The following HERPUD2 variants were observed in gnomAD, a reference collection of about 807,000 sequenced individuals.
HERPUD2 encodes HERPUD family member 2, also known as homocysteine-responsive endoplasmic reticulum-resident ubiquitin-like domain member 2 protein.
In HERPUD2, 13 loss-of-function variants were observed where a neutral mutation model predicts 49.9. That is an observed-to-expected ratio of 0.26 (90% CI 0.17 to 0.41). The LOEUF is 0.41. Among genes scored for constraint, HERPUD2 ranks in the 10% least tolerant of loss-of-function variants. The pLI is 1.00. For synonymous variants in HERPUD2, 172 were observed against 171.4 expected, an observed-to-expected ratio of 1.00 and a Z score of -0.03; for missense variants, 449 against 492.2, an observed-to-expected ratio of 0.91 and a Z score of 0.83.
chr7:35,663,543 C>T (rs1411999578), intron 5 of HERPUD2, among the ~76,000 whole-genome samples: 1 of 152,136 alleles, frequency 6.6e-6, no homozygotes, highest in Non-Finnish European at 1.5e-5. Flanking sequence ...GTCTAAGTCT[C>T]TTTGTAGGTC....
chr7:35,646,056 T>C (rs1583541931), intron 5 of HERPUD2, among the ~76,000 whole-genome samples: 1 of 152,358 alleles, frequency 6.6e-6, no homozygotes, highest in East Asian at 1.9e-4. Context: ...TTATCCATTA[T>C]TACTGTATCT....
rs770275672 is a variant in HERPUD2, at chr7:35,634,370, T to A, written c.1001A>T (p.Asn334Ile). The A allele has an allele frequency of 1.2e-6, 2 of 1,614,086 alleles. No homozygotes were observed. The highest frequency in any genetic ancestry group is 2.2e-5 in the South Asian group (2 of 91,088). The change falls in exon 8 of 9, where the codon AAT becomes ATT. Residue 334 changes from asparagine (N) to isoleucine (I), a missense_variant. Transcript: ENST00000311350. The part of the protein sequence containing the change: ...QEGGHQQAPN[N>I]NAEVNNDGQN... The stretch of plus-strand genomic sequence containing the variant: ...CCCATCATTGTTAACTTCGGCATTA[T>A]TGTTGGGAGCCTGCTGATGACCTCC...
chr7:35,635,450 G>A lies in HERPUD2; in HGVS notation c.626C>T (p.Ala209Val). The change falls in exon 7 of 9, where the codon GCA becomes GTA. Residue 209 changes from alanine to valine, a missense_variant. Physicochemically the swap from Ala to Val is moderately conservative, Grantham distance 64. Coordinates refer to ENST00000311350, the MANE Select transcript of HERPUD2 (RefSeq NM_022373.5). ...AHQYYMQYQA[A>V]VSAQATSNVN... ...ATTTGATGTGGCCTGAGCTGAAACT[G>A]CAGCTTGACTGAAATAGTCACCAAA... The A allele has an allele frequency of 6.2e-7, 1 of 1,608,576 alleles. No homozygotes were observed. Among genetic ancestry groups the A allele is most frequent in the Non-Finnish European group, 8.5e-7 (1 of 1,175,892 alleles).
Position 35,694,388 on chromosome 7 carries a change from A to G in HERPUD2, c.-58T>C. On this transcript the variant is annotated 5_prime_UTR_variant, in exon 2 of 9. Coordinates refer to ENST00000311350, the MANE Select transcript of HERPUD2 (RefSeq NM_022373.5). ...GCGGCAGTTAAGCCCAAAAGAGCCG[A>G]GATGGTCACCGCCGGCGCGACTGGG... 6.3e-7 allele frequency: 1 copy of G among 1,596,850 alleles called. No individual in the cohort carries two copies. Among genetic ancestry groups the G allele is most frequent in the South Asian group, 1.1e-5 (1 of 90,722 alleles).
chr7:35,639,657 T>C lies in HERPUD2; in HGVS notation c.495-1185A>G, dbSNP rs1784935768. ...GATTTTTATCTTTAGCTGATACTAG[T>C]TTGGTCTATCCAGAGTGAGACAAGA... On this transcript the variant is annotated intron_variant, in intron 5 of 8. Coordinates refer to ENST00000311350, the MANE Select transcript of HERPUD2 (RefSeq NM_022373.5). Among the ~76,000 whole-genome samples, 3 of 152,342 alleles carry C rather than the reference T, an allele frequency of 2.0e-5. No individual in the cohort carries two copies. The South Asian group carries it at 6.2e-4, about 32-fold the overall frequency.
At chr7:35,639,281 G>A (rs749138920) in intron 5 of HERPUD2, among the ~76,000 whole-genome samples, 2 of 151,964 alleles carry the variant, frequency 1.3e-5, no homozygotes, top group Non-Finnish European at 2.9e-5. Context: ...TGATCCGCCC[G>A]CCTTGGACTC....
At chr7:35,653,861 G>A (rs1785218929) in intron 5 of HERPUD2, among the ~76,000 whole-genome samples, 1 of 152,154 alleles carries the variant, frequency 6.6e-6, no homozygotes. Flanking sequence ...TTTGTGGTGT[G>A]TAGTGGTATG....
intron 2 of HERPUD2, among the ~76,000 whole-genome samples, chr7:35,675,378 A>C (rs2115989478): frequency 1.3e-5 from 2 of 152,294 alleles, no homozygotes; most frequent in African/African-American, 4.8e-5. Flanking sequence ...TAAATATATA[A>C]TCAATGATTT....
chr7:35,656,803 C>T (rs1785284705), intron 5 of HERPUD2, among the ~76,000 whole-genome samples: 1 of 152,102 alleles, frequency 6.6e-6, no homozygotes, highest in South Asian at 2.1e-4. Context: ...GAAAAACTGG[C>T]TAGCCATATG....
chr7:35,650,750 C>A (rs1033584630), intron 5 of HERPUD2, among the ~76,000 whole-genome samples: 4 of 152,192 alleles, frequency 2.6e-5, no homozygotes, highest in Admixed American at 1.3e-4. Context: ...TGTACCCCCC[C>A]ACCAATTTAC....
chr7:35,686,820 GGTGGGGGGGT>G (rs1786068101), intron 2 of HERPUD2, among the ~76,000 whole-genome samples: 1 of 17,240 alleles, frequency 5.8e-5, no homozygotes, highest in South Asian at 3.3e-3. Flanking sequence ...GGGGGGGGGG[GGTGGGGGGGT>G]GGGGGGGGGC....
Position 35,670,339 on chromosome 7 carries a change from A to G in HERPUD2, c.226-11T>C, listed in dbSNP as rs1785618527. On this transcript the variant is annotated splice_polypyrimidine_tract_variant and intron_variant, in intron 3 of 8. Coordinates refer to ENST00000311350, the MANE Select transcript of HERPUD2 (RefSeq NM_022373.5). The stretch of plus-strand genomic sequence containing the variant: ...ATGATACTCATCTTGCTAAAATTAA[A>G]GAAGATTACATTTAAAGGGTAGTAC... 7.7e-7 allele frequency: 1 copy of G among 1,292,956 alleles called. No homozygotes were observed. Among genetic ancestry groups the G allele is most frequent in the Non-Finnish European group, 1.1e-6 (1 of 944,064 alleles). 80.1% of individuals were successfully genotyped at this position (1,292,956 alleles called of 1,614,324 possible).
intron 5 of HERPUD2, among the ~76,000 whole-genome samples, chr7:35,654,595 T>TA (rs57491123): frequency 6.9e-4 from 84 of 120,876 alleles, no homozygotes; most frequent in Non-Finnish European, 9.2e-4. Context: ...AATCAGTAAT[T>TA]AAAAAAAAAA....
At chr7:35,667,407 T>A in intron 5 of HERPUD2, 27 bp downstream of exon 5, 33 of 1,593,474 alleles carry the variant, frequency 2.1e-5, no homozygotes, top group Non-Finnish European at 2.7e-5. Flanking sequence ...CCCAATCACA[T>A]TCCATAGCTA....
At chr7:35,691,353 A>G (rs931832848) in intron 2 of HERPUD2, among the ~76,000 whole-genome samples, 6 of 151,976 alleles carry the variant, frequency 3.9e-5, no homozygotes, top group African/African-American at 1.4e-4. Flanking sequence ...GCATATAGAC[A>G]TATGACCTAT....
At chr7:35,643,083 C>T (rs1377820916) in intron 5 of HERPUD2, among the ~76,000 whole-genome samples, 1 of 152,192 alleles carries the variant, frequency 6.6e-6, no homozygotes, top group Non-Finnish European at 1.5e-5. Context: ...AACCTTTATA[C>T]ATACTCCCAC....
chr7:35,682,259 GT>G, intron 2 of HERPUD2, among the ~76,000 whole-genome samples: 1 of 67,150 alleles, frequency 1.5e-5, no homozygotes, highest in Non-Finnish European at 3.0e-5. Flanking sequence ...ACGTGTGTGT[GT>G]GTATATATAG....
chr7:35,654,937 A>G (rs1410829594), intron 5 of HERPUD2, among the ~76,000 whole-genome samples: 1 of 152,058 alleles, frequency 6.6e-6, no homozygotes, highest in African/African-American at 2.4e-5. Flanking sequence ...TCACTGCAAC[A>G]TCCACCTCCT....
intron 5 of HERPUD2, among the ~76,000 whole-genome samples, chr7:35,650,163 T>G (rs1205297969): frequency 6.6e-6 from 1 of 152,104 alleles, no homozygotes; most frequent in African/African-American, 2.4e-5. Flanking sequence ...AAATACTAAG[T>G]AGATGATCAC....
Sources: allele counts gnomAD v4.1 joint callset (sites outside exome capture counted in the v4.1 genomes callset), GRCh38; gene constraint gnomAD v4.1.1; transcripts MANE v1.5; gene names NCBI Gene and HGNC (gene_info 2026-07-23, HGNC 2026-07-21).